Variants in TFDP2 observed in about 807,000 individuals in gnomAD.
The protein encoded by TFDP2 is transcription factor Dp-2 (E2F dimerization partner 2).
In TFDP2, 17 loss-of-function variants were observed where a neutral mutation model predicts 59.3. The ratio of observed to expected loss-of-function variants is 0.29; its 90% confidence interval spans 0.20 to 0.43. The LOEUF (loss-of-function observed/expected upper bound fraction) is 0.43, where lower values mean the gene tolerates loss of function less well. Among genes scored for constraint, TFDP2 ranks in the 20% least tolerant of loss-of-function variants. The pLI is 1.00. For synonymous variants in TFDP2, 180 were observed against 194.7 expected (o/e 0.92, Z 0.63); for missense variants, 391 against 528.8 (o/e 0.74, Z 2.56).
intron 3 of TFDP2, among the ~76,000 whole-genome samples, chr3:142,009,720 A>AC (rs1323649376): frequency 2.0e-5 from 3 of 151,366 alleles, no homozygotes; most frequent in African/African-American, 7.3e-5. Flanking sequence ...CTCAAAAAAA[A>AC]AAAAAAAGAA....
At chr3:141,964,285 C>A (rs1937621351) in intron 9 of TFDP2, among the ~76,000 whole-genome samples, 1 of 152,042 alleles carries the variant, frequency 6.6e-6, no homozygotes, top group Non-Finnish European at 1.5e-5. Flanking sequence ...GTCAAATATG[C>A]CCCCAAACTT....
At chr3:141,954,421 G>A (rs1936312508) in intron 11 of TFDP2, among the ~76,000 whole-genome samples, 1 of 152,026 alleles carries the variant, frequency 6.6e-6, no homozygotes, top group African/African-American at 2.4e-5. Flanking sequence ...CGGGCAGATT[G>A]AGCTCAGGAG....
At chr3:141,962,385 G>C (rs998024371) in intron 10 of TFDP2, among the ~76,000 whole-genome samples, 5 of 151,276 alleles carry the variant, frequency 3.3e-5, no homozygotes, top group African/African-American at 9.7e-5. Flanking sequence ...TCGAGACAGA[G>C]TCTTGCTCTG....
At chr3:141,991,123 T>G (rs1189202241) in intron 6 of TFDP2, among the ~76,000 whole-genome samples, 4 of 152,214 alleles carry the variant, frequency 2.6e-5, no homozygotes, top group Admixed American at 6.5e-5. Flanking sequence ...TACATTTTAT[T>G]GATTATTTCC....
intron 3 of TFDP2, among the ~76,000 whole-genome samples, chr3:142,048,524 A>G (rs76370136): frequency 0.057 from 8,629 of 152,242 alleles, 302 homozygotes; most frequent in Middle Eastern, 0.11. Context: ...AATATTTCTA[A>G]AGAAAGATAT....
At chr3:141,965,505 A>G (rs540425012) in intron 9 of TFDP2, among the ~76,000 whole-genome samples, 1 of 150,572 alleles carries the variant, frequency 6.6e-6, no homozygotes, top group Non-Finnish European at 1.5e-5. Context: ...AAGAAAAAGA[A>G]AAGAAAAAAA....
At chr3:142,029,415 AAGTAC>A (rs1946314528) in intron 3 of TFDP2, among the ~76,000 whole-genome samples, 2 of 151,858 alleles carry the variant, frequency 1.3e-5, no homozygotes, top group Admixed American at 1.3e-4. Flanking sequence ...AGCTAGGGTT[AAGTAC>A]CTTTCTCCAT....
At chr3:142,141,365 G>C (rs1577075008) in intron 1 of TFDP2, among the ~76,000 whole-genome samples, 1 of 152,196 alleles carries the variant, frequency 6.6e-6, no homozygotes, top group Non-Finnish European at 1.5e-5. Context: ...CTCACCCTCT[G>C]TGGGCTGCAC....
intron 3 of TFDP2, chr3:142,043,857 C>A (rs1458211709): frequency 7.6e-7 from 1 of 1,321,948 alleles, no homozygotes; most frequent in East Asian, 2.3e-5. Flanking sequence ...GGCTGTGATA[C>A]ATATGGCGAT....
chr3:142,091,822 G>A (rs972170717), intron 3 of TFDP2, among the ~76,000 whole-genome samples: 6 of 151,972 alleles, frequency 3.9e-5, no homozygotes, highest in African/African-American at 1.2e-4. Context: ...TCACAATAGG[G>A]TTCGCCCTCC....
At chr3:142,051,508 G>C (rs1947628160) in intron 3 of TFDP2, among the ~76,000 whole-genome samples, 1 of 150,792 alleles carries the variant, frequency 6.6e-6, no homozygotes, top group Admixed American at 6.6e-5. Context: ...GGGAGACAGA[G>C]AGAGATTCCA....
At chr3:142,001,312 C>T (rs1173007707) in intron 4 of TFDP2, among the ~76,000 whole-genome samples, 2 of 152,210 alleles carry the variant, frequency 1.3e-5, no homozygotes, top group Admixed American at 6.5e-5. Flanking sequence ...CTACTGGAGC[C>T]ACACCTGGAA....
At chr3:141,996,817 A>G (rs529181771) in intron 4 of TFDP2, among the ~76,000 whole-genome samples, 1 of 152,362 alleles carries the variant, frequency 6.6e-6, no homozygotes, top group African/African-American at 2.4e-5. Flanking sequence ...GGAAGATGTT[A>G]GCACCTAGAA....
intron 3 of TFDP2, among the ~76,000 whole-genome samples, chr3:142,069,664 A>G (rs1304822452): frequency 6.6e-6 from 1 of 150,602 alleles, no homozygotes; most frequent in African/African-American, 2.5e-5. Flanking sequence ...TGGAAGTGCA[A>G]TGGTGCTATC....
chr3:141,952,903 A>C lies in TFDP2; in HGVS notation c.1157+8T>G. The C allele has an allele frequency of 1.2e-6, 2 of 1,613,516 alleles. No homozygotes were observed. The highest frequency in any genetic ancestry group is 1.7e-6 in the Non-Finnish European group (2 of 1,179,434). On this transcript the variant is annotated splice_region_variant and intron_variant, in intron 12 of 12. Coordinates refer to ENST00000489671, the MANE Select transcript of TFDP2 (RefSeq NM_001178139.2). ...GTTTGCCTTTCTAACCCTGAAAAAA[A>C]TACGTACCTTGACTGGGGTAAGGTG...
Position 142,057,224 on chromosome 3 carries a change from A to G in TFDP2, c.82+35837T>C, listed in dbSNP as rs1288795290. ...TTCCATGGCCACCATAAGATTACAA[A>G]AAGTGTATTAGCTATAGCATGTCCT... On this transcript the variant is annotated intron_variant, in intron 3 of 12. Coordinates refer to ENST00000489671, the MANE Select transcript of TFDP2 (RefSeq NM_001178139.2). Among the ~76,000 whole-genome samples, 5 of 152,244 alleles carry G rather than the reference A, an allele frequency of 3.3e-5. No homozygotes were observed. The East Asian group carries it at 7.7e-4, about 23-fold the overall frequency.
intron 1 of TFDP2, among the ~76,000 whole-genome samples, chr3:142,134,148 A>C (rs920430358): frequency 6.6e-6 from 1 of 151,922 alleles, no homozygotes. Context: ...AAAAATATAG[A>C]AGAAGGAGTT....
intron 4 of TFDP2, among the ~76,000 whole-genome samples, chr3:142,003,414 G>A (rs559618597): frequency 6.6e-6 from 1 of 152,276 alleles, no homozygotes; most frequent in African/African-American, 2.4e-5. Flanking sequence ...ACAGGCGTGA[G>A]ACACCACACC....
chr3:142,111,497 CAGA>C (rs2061661844), intron 1 of TFDP2, among the ~76,000 whole-genome samples: 1 of 146,062 alleles, frequency 6.8e-6, no homozygotes, highest in Non-Finnish European at 1.5e-5. Context: ...GGTGGTTTTA[CAGA>C]AGACTTCTCT....
Sources: gnomAD v4.1 joint callset for allele counts (sites outside exome capture counted in the v4.1 genomes callset) on GRCh38, gnomAD v4.1.1 for gene constraint, MANE v1.5 for transcripts, NCBI Gene and HGNC (gene_info 2026-07-23, HGNC 2026-07-21) for gene names.